SCN8A: variants seen among roughly 807,000 people sequenced by gnomAD.
SCN8A encodes sodium voltage-gated channel alpha subunit 8.
SCN8A carries 30 observed loss-of-function variants against 184.1 expected under a neutral mutation model. The observed-to-expected ratio is 0.16, with a 90% CI of 0.12 to 0.22. The LOEUF is 0.22. Ranked by LOEUF, SCN8A falls within the 10% of genes least tolerant of loss-of-function variation. The pLI, the probability that SCN8A is intolerant of heterozygous loss-of-function variation, is 1.00. For synonymous variants in SCN8A, 852 were observed against 907.0 expected, an observed-to-expected ratio of 0.94 and a Z score of 1.09; for missense variants, 1,057 against 2,498.9, an observed-to-expected ratio of 0.42 and a Z score of 12.30.
At chr12:51,706,757 T>G (rs1317395085) in intron 11 of SCN8A, 42 bp downstream of exon 11, 1 of 1,387,448 alleles carries the variant, frequency 7.2e-7, no homozygotes. Flanking sequence ...AAAATGTATT[T>G]TTTATTAAGG....
In SCN8A at chr12:51,807,735, C is replaced by A; in HGVS notation, c.*306C>A. The A allele has an allele frequency of 2.8e-6, 1 of 362,878 alleles. No homozygotes were observed. The highest frequency in any genetic ancestry group is 5.0e-6 in the Non-Finnish European group (1 of 200,718). 22.5% of individuals were successfully genotyped at this position (362,878 alleles called of 1,614,324 possible). On this transcript the variant is annotated 3_prime_UTR_variant, in exon 27 of 27. Transcript: ENST00000627620. The surrounding 1 kb of genome is among the most constrained non-coding windows in gnomAD (Gnocchi z 4.5). Reference sequence around the variant, plus strand: ...GATACAGAAACAGAAGAGAGGCTGCCGGGACCAGCATATTTCCGTTGCAGC... The same window carrying A: ...GATACAGAAACAGAAGAGAGGCTGCAGGGACCAGCATATTTCCGTTGCAGC...
At chr12:51,681,102 G>A (rs995350169) in intron 2 of SCN8A, among the ~76,000 whole-genome samples, 9 of 152,168 alleles carry the variant, frequency 5.9e-5, no homozygotes, top group Non-Finnish European at 1.0e-4. Flanking sequence ...CTGGCCCGGT[G>A]GTTTTTAGGT....
chr12:51,742,431 T>G (rs944978263), intron 12 of SCN8A, among the ~76,000 whole-genome samples: 2 of 152,180 alleles, frequency 1.3e-5, no homozygotes, highest in African/African-American at 4.8e-5. Context: ...TCTTTATTTC[T>G]CCTTCATGCT....
At chr12:51,778,126 G>C (rs1317006013) in intron 20 of SCN8A, among the ~76,000 whole-genome samples, 1 of 152,094 alleles carries the variant, frequency 6.6e-6, no homozygotes, top group Non-Finnish European at 1.5e-5. Context: ...ATTGAACTCT[G>C]GACCATCTGC....
At chr12:51,632,016 G>A (rs1940206412) in intron 1 of SCN8A, among the ~76,000 whole-genome samples, 1 of 152,086 alleles carries the variant, frequency 6.6e-6, no homozygotes, top group South Asian at 2.1e-4. Context: ...AGTAAAACAA[G>A]TAAAACAGAT....
chr12:51,638,406 T>C (rs1425880380), intron 1 of SCN8A, among the ~76,000 whole-genome samples: 1 of 152,212 alleles, frequency 6.6e-6, no homozygotes, highest in Non-Finnish European at 1.5e-5. Context: ...AGATTCATCA[T>C]TCTACAAGCC....
At position 51,714,395 on chromosome 12, in the gene SCN8A, C is replaced by T. The variant is rs548740907; in HGVS notation, c.1636-7151C>T. On this transcript the variant is annotated intron_variant, in intron 11 of 26. Transcript: ENST00000627620. ...TGAGTTTATGCAAATCTTCCAAATA[C>T]ACACAAGATTTTAAAACTATATTTA... Among the ~76,000 whole-genome samples, 28 of 152,320 alleles carry T rather than the reference C, an allele frequency of 1.8e-4. No individual in the cohort carries two copies. The South Asian group carries it at 2.5e-3, about 14-fold the overall frequency.
At chr12:51,805,497 A>ATG (rs1317012171) in intron 26 of SCN8A, among the ~76,000 whole-genome samples, 1 of 152,118 alleles carries the variant, frequency 6.6e-6, no homozygotes, top group Non-Finnish European at 1.5e-5. Flanking sequence ...ATATATATAT[A>ATG]TGATTCTTAC....
At chr12:51,682,754 G>T (rs1275479249) in intron 2 of SCN8A, among the ~76,000 whole-genome samples, 1 of 152,174 alleles carries the variant, frequency 6.6e-6, no homozygotes, top group Non-Finnish European at 1.5e-5. Flanking sequence ...TGTTAGGACT[G>T]TGTATCTGCC....
chr12:51,766,463 C>T (rs1039498865), intron 16 of SCN8A, among the ~76,000 whole-genome samples: 5 of 152,086 alleles, frequency 3.3e-5, no homozygotes, highest in African/African-American at 1.2e-4. Context: ...GGTTTAGCAG[C>T]GTCCCTCCTG....
At chr12:51,735,721 C>G (rs879479997) in intron 12 of SCN8A, among the ~76,000 whole-genome samples, 4 of 152,132 alleles carry the variant, frequency 2.6e-5, no homozygotes, top group African/African-American at 4.8e-5. Flanking sequence ...TCCTCAGCAT[C>G]GGTCTCGACA....
intron 2 of SCN8A, among the ~76,000 whole-genome samples, chr12:51,679,804 C>T (rs553630198): frequency 6.9e-6 from 1 of 144,422 alleles, no homozygotes; most frequent in Admixed American, 7.2e-5. Context: ...TGGCTCACTG[C>T]AAGCTTTGCC....
chr12:51,784,064 G>T (rs1208824810), intron 21 of SCN8A, among the ~76,000 whole-genome samples: 1 of 152,200 alleles, frequency 6.6e-6, no homozygotes, highest in East Asian at 1.9e-4. Flanking sequence ...GTGACTACCA[G>T]TGGAAATTTG....
chr12:51,651,247 T>C (rs963429001), intron 1 of SCN8A, among the ~76,000 whole-genome samples: 6 of 152,208 alleles, frequency 3.9e-5, no homozygotes, highest in Non-Finnish European at 8.8e-5. Context: ...GGCCAGATTT[T>C]GGGGGGCCTG....
intron 1 of SCN8A, among the ~76,000 whole-genome samples, chr12:51,601,019 C>T (rs540897338): frequency 6.6e-6 from 1 of 152,160 alleles, no homozygotes; most frequent in Non-Finnish European, 1.5e-5. Context: ...ATTACCCTTA[C>T]AGTAATTCTA....
intron 11 of SCN8A, among the ~76,000 whole-genome samples, chr12:51,714,739 G>A (rs553147875): frequency 7.2e-5 from 11 of 152,086 alleles, no homozygotes; most frequent in African/African-American, 1.2e-4. Flanking sequence ...GACAATTTAC[G>A]TGTATCCCCT....
intron 9 of SCN8A, among the ~76,000 whole-genome samples, chr12:51,704,241 G>A (rs1941740429): frequency 6.6e-6 from 1 of 151,998 alleles, no homozygotes; most frequent in Non-Finnish European, 1.5e-5. Context: ...GTAATAGTGG[G>A]TTGCATGCAC....
At chr12:51,760,259 C>G (rs2138854216) in intron 14 of SCN8A, among the ~76,000 whole-genome samples, 1 of 152,298 alleles carries the variant, frequency 6.6e-6, no homozygotes, top group Non-Finnish European at 1.5e-5. Flanking sequence ...TAAATCTGCT[C>G]TTCTCAATTT....
chr12:51,764,868 A>T (rs1942814633), intron 15 of SCN8A, among the ~76,000 whole-genome samples: 1 of 149,612 alleles, frequency 6.7e-6, no homozygotes, highest in South Asian at 2.1e-4. Flanking sequence ...TCCACCTCCC[A>T]GATTCAAGTG....
Sources: allele counts gnomAD v4.1 joint callset (sites outside exome capture counted in the v4.1 genomes callset), GRCh38; gene constraint gnomAD v4.1.1; non-coding constraint Gnocchi (gnomAD v3.1); transcripts MANE v1.5; gene names NCBI Gene and HGNC (gene_info 2026-07-23, HGNC 2026-07-21).